Variants in ADAMTSL3 observed in about 807,000 individuals in gnomAD.
The protein encoded by ADAMTSL3 is ADAMTS-like protein 3.
ADAMTSL3 carries 128 observed loss-of-function variants against 201.7 expected under a neutral mutation model. The observed-to-expected ratio is 0.63, with a 90% CI of 0.55 to 0.73. The LOEUF (loss-of-function observed/expected upper bound fraction) is 0.73, where lower values mean the gene tolerates loss of function less well. Ranked by LOEUF, ADAMTSL3 falls within the 30% of genes least tolerant of loss-of-function variation. The pLI is 0.00. For missense variants in ADAMTSL3, 1,990 were observed against 2,119.6 expected (o/e 0.94, Z 1.20); for synonymous variants, 738 against 748.4 (o/e 0.99, Z 0.23).
intron 2 of ADAMTSL3, among the ~76,000 whole-genome samples, chr15:83,689,609 G>T (rs1021936375): frequency 2.0e-5 from 3 of 152,082 alleles, no homozygotes; most frequent in Admixed American, 1.3e-4. Context: ...AATACACCAC[G>T]ATTTATTGAT....
intron 2 of ADAMTSL3, among the ~76,000 whole-genome samples, chr15:83,700,822 A>T (rs191914396): frequency 5.9e-5 from 9 of 152,204 alleles, no homozygotes; most frequent in Admixed American, 5.9e-4. Context: ...GCAATTAGCA[A>T]TAGTGGTGCT....
chr15:83,691,075 C>T (rs1045764853), intron 2 of ADAMTSL3, among the ~76,000 whole-genome samples: 2 of 152,070 alleles, frequency 1.3e-5, no homozygotes, highest in Admixed American at 1.3e-4. Flanking sequence ...CTCTTTGAGT[C>T]GGTGAAGGGG....
intron 23 of ADAMTSL3, among the ~76,000 whole-genome samples, chr15:83,997,233 A>G (rs2067703894): frequency 6.6e-6 from 1 of 152,230 alleles, no homozygotes; most frequent in South Asian, 2.1e-4. Flanking sequence ...CCTGGGAGAC[A>G]AAAGAAGAAA....
intron 2 of ADAMTSL3, among the ~76,000 whole-genome samples, chr15:83,657,542 ATAT>A (rs2061105263): frequency 6.6e-6 from 1 of 152,258 alleles, no homozygotes; most frequent in African/African-American, 2.4e-5. Flanking sequence ...AGAGGAGATA[ATAT>A]TAGTATAGAC....
intron 5 of ADAMTSL3, among the ~76,000 whole-genome samples, chr15:83,805,209 C>G (rs976315303): frequency 6.6e-6 from 1 of 152,178 alleles, no homozygotes; most frequent in African/African-American, 2.4e-5. Flanking sequence ...AAACCCTACC[C>G]TTATTTTACA....
At position 83,654,603 on chromosome 15, in the gene ADAMTSL3, C is replaced by G. The variant is rs1009116777; in HGVS notation, c.-34+327C>G. Among the ~76,000 whole-genome samples the G allele has an allele frequency of 6.6e-6, 1 of 152,120 alleles. No homozygotes were observed. Among genetic ancestry groups the G allele is most frequent in the Non-Finnish European group, 1.5e-5 (1 of 68,028 alleles). On this transcript the variant is annotated intron_variant, in intron 1 of 29. Transcript: ENST00000286744. The surrounding 1 kb of genome is among the most constrained non-coding windows in gnomAD (Gnocchi z 5.3). Reference sequence around the variant, plus strand: ...GGATTGGGAGTTACTAAGCAGAAACCTCGCGGGTCCGAAGGTCCGGCCGGT... The same window carrying G: ...GGATTGGGAGTTACTAAGCAGAAACGTCGCGGGTCCGAAGGTCCGGCCGGT...
intron 3 of ADAMTSL3, among the ~76,000 whole-genome samples, chr15:83,757,847 G>T (rs955217833): frequency 2.6e-5 from 4 of 152,146 alleles, no homozygotes; most frequent in Non-Finnish European, 5.9e-5. Context: ...CAAGTTCAAA[G>T]TTCCACATAT....
chr15:83,655,758 C>T lies in ADAMTSL3; in HGVS notation c.-4C>T, dbSNP rs1324395278. 1.2e-6 allele frequency: 2 copies of T among 1,614,082 alleles called. No homozygotes were observed. Among genetic ancestry groups the T allele is most frequent in the Admixed American group, 1.7e-5 (1 of 60,020 alleles). On this transcript the variant is annotated 5_prime_UTR_variant, in exon 2 of 30. Transcript: ENST00000286744. ...CAACTGAGACCCGGAGGAGACTAGACCCCATGGCTTCCTGGACGAGCCCCT... is the reference window on the plus strand; with the variant it reads ...CAACTGAGACCCGGAGGAGACTAGATCCCATGGCTTCCTGGACGAGCCCCT...
In ADAMTSL3 at chr15:83,687,833, C is replaced by G. The variant is rs919616178; in HGVS notation, c.70-16556C>G. 8.6e-5 allele frequency among the ~76,000 whole-genome samples: 13 copies of G among 152,044 alleles called. No homozygotes were observed. The South Asian group carries it at 2.5e-3, about 29-fold the overall frequency. Reference sequence around the variant, plus strand: ...TACTGATGGCGGGGATGGAGGAAAACTGGAACAGCCACCAACTAAGAGTAT... The same window carrying G: ...TACTGATGGCGGGGATGGAGGAAAAGTGGAACAGCCACCAACTAAGAGTAT... On this transcript the variant is annotated intron_variant, in intron 2 of 29. Transcript: ENST00000286744.
chr15:83,821,771 CG>C (rs927245507), intron 6 of ADAMTSL3, among the ~76,000 whole-genome samples: 30 of 151,506 alleles, frequency 2.0e-4, no homozygotes, highest in Admixed American at 2.6e-4. Flanking sequence ...ACCTCCCAGA[CG>C]GGGTGGTGGC....
At chr15:83,766,567 G>A (rs2062895380) in intron 3 of ADAMTSL3, among the ~76,000 whole-genome samples, 1 of 152,154 alleles carries the variant, frequency 6.6e-6, no homozygotes, top group African/African-American at 2.4e-5. Flanking sequence ...TCCAAGAGGC[G>A]AAATGCTAAC....
At chr15:83,965,826 A>G (rs886309579) in intron 19 of ADAMTSL3, among the ~76,000 whole-genome samples, 4 of 152,248 alleles carry the variant, frequency 2.6e-5, no homozygotes, top group African/African-American at 4.8e-5. Flanking sequence ...AAATTTTAAC[A>G]AACAGTCTCT....
chr15:83,937,010 T>A (rs2066472471), intron 17 of ADAMTSL3, among the ~76,000 whole-genome samples: 1 of 150,718 alleles, frequency 6.6e-6, no homozygotes, highest in Non-Finnish European at 1.5e-5. Context: ...GTCAAAAAAT[T>A]ACAGATGCTG....
chr15:83,949,697 G>A (rs570430944), intron 19 of ADAMTSL3, among the ~76,000 whole-genome samples: 6 of 152,202 alleles, frequency 3.9e-5, no homozygotes, highest in African/African-American at 1.4e-4. Flanking sequence ...TTAGATAACA[G>A]CCATTTTAAC....
intron 15 of ADAMTSL3, among the ~76,000 whole-genome samples, chr15:83,903,953 A>G (rs867166981): frequency 0.047 from 2,124 of 44,816 alleles, 26 homozygotes; most frequent in East Asian, 0.06. Context: ...AAGAAAAAAG[A>G]AAGAAAGAAA....
rs890309 is a variant in ADAMTSL3, at chr15:83,704,618, G to A, written c.189+110G>A. The A allele has an allele frequency of 0.24, 342,630 of 1,433,164 alleles. 44,360 individuals carry two copies. The highest frequency in any genetic ancestry group is 0.38 in the Middle Eastern group (1,672 of 4,388). The allele number at this position is 1,433,164 out of a possible 1,614,324, so 88.8% of individuals were successfully genotyped here. A position where few individuals can be genotyped will look rare whatever the true frequency, so the allele number is the denominator to read the frequency against. On this transcript the variant is annotated intron_variant, in intron 3 of 29. Coordinates refer to ENST00000286744, the MANE Select transcript of ADAMTSL3 (RefSeq NM_207517.3). ...TTATATTTTCCTCTTTGCAATACAA[G>A]TACAACAGACCCTTGACACCCTTGA...
intron 17 of ADAMTSL3, among the ~76,000 whole-genome samples, chr15:83,940,859 T>A (rs12916195): frequency 0.14 from 20,979 of 152,146 alleles, 1,860 homozygotes; most frequent in Middle Eastern, 0.34. Context: ...TTTAAGATAA[T>A]ATGGGAATTC....
intron 20 of ADAMTSL3, among the ~76,000 whole-genome samples, chr15:83,971,828 T>TA (rs2067202085): frequency 2.0e-5 from 3 of 149,404 alleles, no homozygotes; most frequent in African/African-American, 7.3e-5. Flanking sequence ...GGAAAAAAAT[T>TA]AAAAATGAAC....
At chr15:83,739,463 T>C (rs765474250) in intron 3 of ADAMTSL3, among the ~76,000 whole-genome samples, 1 of 150,686 alleles carries the variant, frequency 6.6e-6, no homozygotes, top group Non-Finnish European at 1.5e-5. Context: ...CACAAAATAA[T>C]TTAAAATAGT....
Sources: gnomAD v4.1 joint callset for allele counts (sites outside exome capture counted in the v4.1 genomes callset) on GRCh38, gnomAD v4.1.1 for gene constraint, Gnocchi (gnomAD v3.1) non-coding constraint, MANE v1.5 for transcripts, NCBI Gene and HGNC (gene_info 2026-07-23, HGNC 2026-07-21) for gene names.